The following TMEM71 variants were observed in gnomAD, a reference collection of about 807,000 sequenced individuals.
The protein encoded by TMEM71 is transmembrane protein 71.
In TMEM71, 44 loss-of-function variants were observed where a neutral mutation model predicts 38.0. The observed-to-expected ratio is 1.16, with a 90% confidence interval of 0.91 to 1.49. The LOEUF (loss-of-function observed/expected upper bound fraction) is 1.49, where lower values mean the gene tolerates loss of function less well. Ranked by LOEUF, TMEM71 falls within the 40% of genes most tolerant of loss-of-function variation. TMEM71 has a pLI of 0.00. For missense variants in TMEM71, 367 were observed against 348.6 expected, an observed-to-expected ratio of 1.05 and a Z score of -0.42; for synonymous variants, 133 against 122.5, an observed-to-expected ratio of 1.09 and a Z score of -0.56.
At chr8:132,748,545 A>G (rs964786045) in intron 4 of TMEM71, among the ~76,000 whole-genome samples, 5 of 152,246 alleles carry the variant, frequency 3.3e-5, no homozygotes, top group African/African-American at 1.2e-4. Flanking sequence ...CAAGTTGAGA[A>G]AAATGGTAGA....
the TMEM71 span, chr8:132,775,362 A>G: frequency 5.6e-6 from 2 of 359,478 alleles, no homozygotes; most frequent in African/African-American, 2.1e-5. Flanking sequence ...CGGGCGGCTG[A>G]CGTCGCCGGG....
the TMEM71 span, among the ~76,000 whole-genome samples, chr8:132,775,981 T>C: frequency 6.6e-6 from 1 of 152,202 alleles, no homozygotes; most frequent in East Asian, 1.9e-4. Context: ...TGCTTTACAT[T>C]GTCGGTCTCT....
chr8:132,735,907 G>A (rs560113350), intron 5 of TMEM71, among the ~76,000 whole-genome samples: 5 of 152,236 alleles, frequency 3.3e-5, no homozygotes, highest in South Asian at 4.2e-4. Flanking sequence ...TAACAGTCAC[G>A]TAAATGCCCT....
upstream of TMEM71, among the ~76,000 whole-genome samples, chr8:132,761,758 G>A (rs1385298771): frequency 6.6e-6 from 1 of 152,230 alleles, no homozygotes; most frequent in Non-Finnish European, 1.5e-5. Flanking sequence ...CTTCCATCTT[G>A]TTGGACTCTA....
intron 5 of TMEM71, among the ~76,000 whole-genome samples, chr8:132,730,571 A>T (rs1005404824): frequency 1.3e-5 from 2 of 152,186 alleles, no homozygotes; most frequent in South Asian, 4.1e-4. Flanking sequence ...TTTGAGCAGG[A>T]GGCATGATGT....
In TMEM71 at chr8:132,713,577, A is replaced by G. The variant is rs564569007; in HGVS notation, c.872+418T>C. On this transcript the variant is annotated intron_variant, in intron 9 of 9. Transcript: ENST00000677595. ...AATATGCTGAACCATGGCAGTTAACACACAAGGGGATCATTAAATGAATAA... is the reference window on the plus strand; with the variant it reads ...AATATGCTGAACCATGGCAGTTAACGCACAAGGGGATCATTAAATGAATAA... 2.0e-5 allele frequency among the ~76,000 whole-genome samples: 3 copies of G among 152,306 alleles called. No homozygotes were observed. In the East Asian group the frequency reaches 5.8e-4, roughly 29 times the overall value.
Position 132,751,788 on chromosome 8 carries a change from A to C in TMEM71, c.311T>G (p.Val104Gly). 6.2e-7 allele frequency: 1 copy of C among 1,613,150 alleles called. No homozygotes were observed. Among genetic ancestry groups the C allele is most frequent in the Non-Finnish European group, 8.5e-7 (1 of 1,179,886 alleles). Residue 104 changes from valine to glycine, a missense_variant, in exon 4 of 10, where the codon GTT (valine) becomes GGT (glycine). Coordinates refer to ENST00000677595, the MANE Select transcript of TMEM71 (RefSeq NM_001382403.1). ...QTSVMYKENL[V>G]RIFRKKKRIC... ...TTCTGTAATATGCTCTGCTTACCTA[A>C]CTAAGTTCTCCTTATACATAACGCT... is the stretch of plus-strand genomic sequence containing the variant.
the TMEM71 span, among the ~76,000 whole-genome samples, chr8:132,770,610 G>A: frequency 6.6e-6 from 1 of 152,186 alleles, no homozygotes; most frequent in African/African-American, 2.4e-5. Flanking sequence ...GAAGTAGAGT[G>A]AAAGATGTTA....
chr8:132,775,387 C>T, the TMEM71 span: 3 of 375,268 alleles, frequency 8.0e-6, no homozygotes, highest in East Asian at 4.0e-5. Context: ...GGCGTCGCGT[C>T]AGGGCTGGCC....
At chr8:132,728,497 C>A (rs1338277685) in intron 5 of TMEM71, among the ~76,000 whole-genome samples, 6 of 152,186 alleles carry the variant, frequency 3.9e-5, no homozygotes, top group Admixed American at 1.3e-4. Flanking sequence ...GTGGGAGCTA[C>A]AATTCAATAT....
intron 5 of TMEM71, among the ~76,000 whole-genome samples, chr8:132,734,646 A>G (rs1209535405): frequency 6.6e-6 from 1 of 152,242 alleles, no homozygotes; most frequent in Non-Finnish European, 1.5e-5. Context: ...AAAAGTCTTA[A>G]CATTCAAAAA....
At chr8:132,745,209 C>A (rs541362119) in intron 5 of TMEM71, among the ~76,000 whole-genome samples, 4 of 152,046 alleles carry the variant, frequency 2.6e-5, no homozygotes, top group Admixed American at 2.6e-4. Context: ...TTCTGCACAA[C>A]AAAAGAAACT....
In TMEM71 at chr8:132,710,471, T is replaced by G; in HGVS notation, c.*496A>C. The G allele has an allele frequency of 1.1e-5, 2 of 184,884 alleles. No individual in the cohort carries two copies. Among genetic ancestry groups the G allele is most frequent in the Non-Finnish European group, 2.2e-5 (2 of 90,636 alleles). The allele number at this position is 184,884 out of a possible 1,614,324, so 11.5% of individuals were successfully genotyped here. A position where few individuals can be genotyped will look rare whatever the true frequency, so the allele number is the denominator to read the frequency against. ...AGGTGAATGACAAACTTTTGCAGCA[T>G]TATATTTTATGTACAAATTGCATTT... On this transcript the variant is annotated 3_prime_UTR_variant, in exon 10 of 10. Transcript: ENST00000677595.
At chr8:132,761,619 A>G (rs1311097345), upstream of TMEM71, among the ~76,000 whole-genome samples, 21 of 152,164 alleles carry the variant, frequency 1.4e-4, no homozygotes, top group Admixed American at 1.4e-3. Flanking sequence ...GGCCCATCTA[A>G]TTTCAAAGTT....
At position 132,751,802 on chromosome 8, in the gene TMEM71, A is replaced by C; in HGVS notation, c.297T>G (p.Tyr99Ter). 6.2e-7 allele frequency: 1 copy of C among 1,613,592 alleles called. No homozygotes were observed. Among genetic ancestry groups the C allele is most frequent in the Non-Finnish European group, 8.5e-7 (1 of 1,180,024 alleles). Residue 99 changes from tyrosine (Y) to a stop codon, truncating the protein, a stop_gained, in exon 4 of 10, where the codon TAT (tyrosine) becomes TAG (stop). Coordinates refer to ENST00000677595, the MANE Select transcript of TMEM71 (RefSeq NM_001382403.1). LOFTEE classifies it high-confidence loss of function. ...CTGCTTACCTAACTAAGTTCTCCTT[A>C]TACATAACGCTGGTCTGGGATGGGT... ...TLNPSQTSVMYKENLVRIFRK... is the reference protein window; with the variant it reads ...TLNPSQTSVM
chr8:132,753,314 G>T (rs1294237125), intron 3 of TMEM71, among the ~76,000 whole-genome samples: 2 of 150,816 alleles, frequency 1.3e-5, no homozygotes, highest in African/African-American at 5.0e-5. Flanking sequence ...TTCTTGGGGT[G>T]GTTTTTTGTG....
At chr8:132,729,077 A>T (rs185632986) in intron 5 of TMEM71, among the ~76,000 whole-genome samples, 1 of 152,374 alleles carries the variant, frequency 6.6e-6, no homozygotes, top group Non-Finnish European at 1.5e-5. Context: ...TTCTCACAAA[A>T]AGTCAAGTTT....
At chr8:132,711,793 G>A (rs934342466) in intron 9 of TMEM71, among the ~76,000 whole-genome samples, 6 of 152,220 alleles carry the variant, frequency 3.9e-5, no homozygotes, top group Non-Finnish European at 8.8e-5. Context: ...GTGCTAAAGA[G>A]GCACCTAATC....
chr8:132,770,775 G>A, the TMEM71 span, among the ~76,000 whole-genome samples: 6 of 152,304 alleles, frequency 3.9e-5, no homozygotes, highest in East Asian at 7.7e-4. Context: ...CTGCGGGTCT[G>A]AATATTTCAT....
Sources: gnomAD v4.1 joint callset for allele counts (sites outside exome capture counted in the v4.1 genomes callset) on GRCh38, gnomAD v4.1.1 for gene constraint, MANE v1.5 for transcripts, NCBI Gene and HGNC (gene_info 2026-07-23, HGNC 2026-07-21) for gene names.